LSAMP: variants seen among roughly 807,000 people sequenced by gnomAD.
LSAMP encodes limbic system associated membrane protein, also known as limbic system-associated membrane protein.
A neutral mutation model predicts 38.6 loss-of-function variants in LSAMP; 7 were observed. That is an observed-to-expected ratio of 0.18 (90% confidence interval 0.10 to 0.34). The LOEUF (loss-of-function observed/expected upper bound fraction) is 0.34, where lower values mean the gene tolerates loss of function less well. Ranked by LOEUF, LSAMP falls within the 10% of genes least tolerant of loss-of-function variation. The pLI is 1.00. For missense variants in LSAMP, 313 were observed against 420.0 expected (o/e 0.75, Z 2.23); for synonymous variants, 154 against 166.8 (o/e 0.92, Z 0.59).
At position 115,835,066 on chromosome 3, in the gene LSAMP, T is replaced by C. The variant is rs1480187313; in HGVS notation, c.919+6779A>G. ...GTTCACATCAGCTTTAGCCAAGCATTTGAAAAATTTACTGTGGACAATACT... is the reference window on the plus strand; with the variant it reads ...GTTCACATCAGCTTTAGCCAAGCATCTGAAAAATTTACTGTGGACAATACT... On this transcript the variant is annotated intron_variant, in intron 6 of 6. Coordinates refer to ENST00000490035, the MANE Select transcript of LSAMP (RefSeq NM_002338.5). Among the ~76,000 whole-genome samples, 4 of 152,324 alleles carry C rather than the reference T, an allele frequency of 2.6e-5. No individual in the cohort carries two copies. The South Asian group carries it at 6.2e-4, about 24-fold the overall frequency.
At chr3:115,992,243 C>T (rs1384014274) in intron 3 of LSAMP, among the ~76,000 whole-genome samples, 1 of 151,962 alleles carries the variant, frequency 6.6e-6, no homozygotes, top group Non-Finnish European at 1.5e-5. Flanking sequence ...AGATGAGGAC[C>T]CAGTCAAGAT....
At chr3:116,349,957 G>A (rs528908959) in intron 1 of LSAMP, among the ~76,000 whole-genome samples, 2 of 152,164 alleles carry the variant, frequency 1.3e-5, no homozygotes, top group South Asian at 2.1e-4. Context: ...AAATATATGC[G>A]AATATACCAA....
chr3:116,026,640 C>T (rs780968277), intron 2 of LSAMP, among the ~76,000 whole-genome samples: 6 of 152,114 alleles, frequency 3.9e-5, no homozygotes, highest in East Asian at 1.9e-4. Context: ...CAAACATCCC[C>T]GCCTTGGAAC....
chr3:116,368,786 A>AT (rs1233979761), intron 1 of LSAMP, among the ~76,000 whole-genome samples: 1 of 152,230 alleles, frequency 6.6e-6, no homozygotes, highest in Non-Finnish European at 1.5e-5. Flanking sequence ...TATAATAGAG[A>AT]TCATATGTCA....
intron 1 of LSAMP, among the ~76,000 whole-genome samples, chr3:116,241,187 A>C (rs2046528127): frequency 1.3e-5 from 2 of 151,816 alleles, no homozygotes; most frequent in Non-Finnish European, 2.9e-5. Context: ...AAAAAAAAAA[A>C]AAAAACTTGC....
At chr3:116,109,320 G>A (rs972269934) in intron 1 of LSAMP, among the ~76,000 whole-genome samples, 3 of 152,166 alleles carry the variant, frequency 2.0e-5, no homozygotes, top group Non-Finnish European at 2.9e-5. Context: ...ATAGGGTGGA[G>A]GAGCAGAGGC....
At chr3:116,089,512 C>A (rs1708071150) in intron 1 of LSAMP, among the ~76,000 whole-genome samples, 1 of 152,134 alleles carries the variant, frequency 6.6e-6, no homozygotes. Flanking sequence ...CGCCTGCCAC[C>A]ACGCCCGCCT....
chr3:116,355,445 G>A (rs1200852994), intron 1 of LSAMP, among the ~76,000 whole-genome samples: 1 of 152,104 alleles, frequency 6.6e-6, no homozygotes, highest in African/African-American at 2.4e-5. Flanking sequence ...AAATCAGATG[G>A]GTTAAAGATT....
chr3:116,025,255 GT>G (rs1425520316), intron 2 of LSAMP, among the ~76,000 whole-genome samples: 1 of 151,898 alleles, frequency 6.6e-6, no homozygotes, highest in East Asian at 1.9e-4. Flanking sequence ...TTTATTCAAT[GT>G]TTTCAATCTA....
intron 3 of LSAMP, among the ~76,000 whole-genome samples, chr3:116,006,424 T>C (rs767423877): frequency 3.0e-4 from 46 of 152,224 alleles, no homozygotes; most frequent in South Asian, 2.7e-3. Flanking sequence ...AATCCCCCAG[T>C]TTATGGTATT....
At chr3:116,172,643 T>C (rs2107555464) in intron 1 of LSAMP, among the ~76,000 whole-genome samples, 1 of 152,098 alleles carries the variant, frequency 6.6e-6, no homozygotes, top group Middle Eastern at 3.4e-3. Flanking sequence ...AAGCACCTAG[T>C]TTCTCTCAAT....
At chr3:116,252,299 GA>G (rs984816994) in intron 1 of LSAMP, among the ~76,000 whole-genome samples, 4 of 152,188 alleles carry the variant, frequency 2.6e-5, no homozygotes, top group Non-Finnish European at 4.4e-5. Context: ...AGGGGCAACT[GA>G]AATGTGCTGG....
At chr3:116,296,694 CAAAAAAAAA>C (rs10659032) in intron 1 of LSAMP, among the ~76,000 whole-genome samples, 15 of 59,700 alleles carry the variant, frequency 2.5e-4, no homozygotes, top group South Asian at 1.0e-3. Context: ...GACTCTGTCT[CAAAAAAAAA>C]AAAAAAAAAA....
chr3:116,383,927 G>A (rs747711158), intron 1 of LSAMP, among the ~76,000 whole-genome samples: 3 of 152,052 alleles, frequency 2.0e-5, no homozygotes, highest in Non-Finnish European at 2.9e-5. Flanking sequence ...GCCATAGTTG[G>A]CTCATTAGTG....
chr3:116,283,531 T>A (rs1338712062), intron 1 of LSAMP, among the ~76,000 whole-genome samples: 2 of 152,202 alleles, frequency 1.3e-5, no homozygotes, highest in Non-Finnish European at 2.9e-5. Flanking sequence ...CTTTTTCTTA[T>A]CTAACCTCAT....
At chr3:116,295,915 T>C (rs751300066) in intron 1 of LSAMP, among the ~76,000 whole-genome samples, 4 of 152,192 alleles carry the variant, frequency 2.6e-5, no homozygotes, top group Non-Finnish European at 5.9e-5. Context: ...AATAGTACAT[T>C]AGGAAATTTA....
chr3:116,075,303 A>G (rs781409403), intron 2 of LSAMP, among the ~76,000 whole-genome samples: 56 of 150,560 alleles, frequency 3.7e-4, no homozygotes, highest in Admixed American at 2.0e-4. Context: ...CTCTTGGCTA[A>G]TTTCTTGTAT....
chr3:116,342,386 T>A (rs929182812), intron 1 of LSAMP, among the ~76,000 whole-genome samples: 1 of 151,994 alleles, frequency 6.6e-6, no homozygotes, highest in Non-Finnish European at 1.5e-5. Flanking sequence ...CTCTTCTAAG[T>A]AAAACAATAA....
chr3:116,175,108 A>G (rs1710304929), intron 1 of LSAMP, among the ~76,000 whole-genome samples: 1 of 152,158 alleles, frequency 6.6e-6, no homozygotes, highest in Non-Finnish European at 1.5e-5. Flanking sequence ...TACTCACAGT[A>G]TATAACACTC....
Sources: allele counts gnomAD v4.1 joint callset (sites outside exome capture counted in the v4.1 genomes callset), GRCh38; gene constraint gnomAD v4.1.1; transcripts MANE v1.5; gene names NCBI Gene and HGNC (gene_info 2026-07-23, HGNC 2026-07-21).